MEI4: variants seen among roughly 807,000 people sequenced by gnomAD.
MEI4 encodes meiotic double-stranded break formation protein 4, also known as meiosis-specific protein MEI4.
MEI4 carries 27 observed loss-of-function variants against 31.4 expected under a neutral mutation model. That is an observed-to-expected ratio of 0.86 (90% CI 0.63 to 1.19). MEI4 has a LOEUF of 1.19. Ranked by LOEUF, MEI4 falls within the 50% of genes most tolerant of loss-of-function variation. The pLI is 0.00. For synonymous variants in MEI4, 122 were observed against 145.4 expected, an observed-to-expected ratio of 0.84 and a Z score of 1.16; for missense variants, 329 against 398.9, an observed-to-expected ratio of 0.82 and a Z score of 1.49.
intron 2 of MEI4, among the ~76,000 whole-genome samples, chr6:77,702,216 C>G (rs1285614035): frequency 6.6e-6 from 1 of 152,176 alleles, no homozygotes; most frequent in Non-Finnish European, 1.5e-5. Context: ...GTCCTTCTCA[C>G]CCTGTTCCAG....
intron 1 of MEI4, among the ~76,000 whole-genome samples, chr6:77,688,787 C>T (rs1401165356): frequency 6.6e-6 from 1 of 152,062 alleles, no homozygotes; most frequent in African/African-American, 2.4e-5. Flanking sequence ...AGCAAACTTA[C>T]TTCTTGAAGG....
At chr6:77,746,337 C>T (rs1035842737) in intron 2 of MEI4, among the ~76,000 whole-genome samples, 1 of 152,126 alleles carries the variant, frequency 6.6e-6, no homozygotes, top group Non-Finnish European at 1.5e-5. Flanking sequence ...AAGCAGATTA[C>T]CTCCGAAATG....
chr6:77,655,247 A>G (rs1360809612), intron 1 of MEI4, among the ~76,000 whole-genome samples: 5 of 152,014 alleles, frequency 3.3e-5, no homozygotes, highest in Non-Finnish European at 7.4e-5. Flanking sequence ...ATCCTTTTTT[A>G]TGGCTGCATA....
chr6:77,851,557 C>A (rs1380786708), intron 4 of MEI4, among the ~76,000 whole-genome samples: 2 of 144,234 alleles, frequency 1.4e-5, no homozygotes, highest in African/African-American at 5.2e-5. Context: ...ACCGCATGTT[C>A]TCGCTCATAG....
intron 3 of MEI4, among the ~76,000 whole-genome samples, chr6:77,814,114 G>A (rs940715351): frequency 3.3e-5 from 5 of 151,968 alleles, no homozygotes; most frequent in East Asian, 3.9e-4. Flanking sequence ...AGGAGTGATC[G>A]TCTGGGGTTC....
At chr6:77,822,648 C>G (rs1481397548) in intron 3 of MEI4, among the ~76,000 whole-genome samples, 2 of 136,894 alleles carry the variant, frequency 1.5e-5, no homozygotes, top group African/African-American at 2.6e-5. Flanking sequence ...GAGACAGAGT[C>G]TCACTATGTC....
chr6:77,833,644 A>AT (rs1185335081), intron 4 of MEI4, among the ~76,000 whole-genome samples: 3 of 152,128 alleles, frequency 2.0e-5, no homozygotes, highest in African/African-American at 7.2e-5. Context: ...TTTACTTTAA[A>AT]TTCTGGGACA....
chr6:77,921,896 A>T (rs1327709474), intron 4 of MEI4, among the ~76,000 whole-genome samples: 3 of 151,732 alleles, frequency 2.0e-5, no homozygotes, highest in Non-Finnish European at 4.4e-5. Flanking sequence ...TGGATGACTG[A>T]TTGCAGATCA....
At chr6:77,879,880 T>C (rs1771436072) in intron 4 of MEI4, among the ~76,000 whole-genome samples, 1 of 152,182 alleles carries the variant, frequency 6.6e-6, no homozygotes, top group Non-Finnish European at 1.5e-5. Flanking sequence ...ATCCTCCACA[T>C]GTATGAAGCA....
At chr6:77,894,248 G>C (rs199920923) in intron 4 of MEI4, among the ~76,000 whole-genome samples, 1 of 112,366 alleles carries the variant, frequency 8.9e-6, no homozygotes, top group East Asian at 5.3e-4. Context: ...TTAATATTAT[G>C]ATATTTCTTT....
At chr6:77,675,634 A>G (rs908235418) in intron 1 of MEI4, among the ~76,000 whole-genome samples, 5 of 151,924 alleles carry the variant, frequency 3.3e-5, no homozygotes, top group Non-Finnish European at 5.9e-5. Flanking sequence ...GCCCACTGTC[A>G]TACCTTAATT....
At chr6:77,790,744 T>C (rs146177456) in intron 3 of MEI4, among the ~76,000 whole-genome samples, 2 of 152,226 alleles carry the variant, frequency 1.3e-5, no homozygotes, top group African/African-American at 2.4e-5. Flanking sequence ...TTCTCAAATA[T>C]ATTTAATTTT....
chr6:77,693,992 T>A (rs1305578222), intron 2 of MEI4, among the ~76,000 whole-genome samples: 1 of 152,110 alleles, frequency 6.6e-6, no homozygotes, highest in Admixed American at 6.6e-5. Context: ...CAGCATCAAC[T>A]ATTCATTGAA....
chr6:77,742,001 T>C (rs1767419644), intron 2 of MEI4, among the ~76,000 whole-genome samples: 1 of 152,076 alleles, frequency 6.6e-6, no homozygotes, highest in Admixed American at 6.5e-5. Flanking sequence ...TGCCACATTT[T>C]CTTGATCCAG....
At chr6:77,781,359 T>A (rs1025738156) in intron 3 of MEI4, among the ~76,000 whole-genome samples, 2 of 152,160 alleles carry the variant, frequency 1.3e-5, no homozygotes, top group African/African-American at 4.8e-5. Flanking sequence ...TCAGTGCAAT[T>A]AGATTTCCCA....
chr6:77,821,531 C>T (rs1769824320), intron 3 of MEI4, among the ~76,000 whole-genome samples: 1 of 152,068 alleles, frequency 6.6e-6, no homozygotes, highest in Non-Finnish European at 1.5e-5. Context: ...CATGGTGGCT[C>T]ACGCCTGTAA....
chr6:77,835,370 CAA>C (rs1491418712), intron 4 of MEI4, among the ~76,000 whole-genome samples: 92 of 60,966 alleles, frequency 1.5e-3, no homozygotes, highest in African/African-American at 6.7e-3. Context: ...GAAAACAAAA[CAA>C]AACACACACA....
At chr6:77,748,239 T>C (rs1047488891) in intron 2 of MEI4, among the ~76,000 whole-genome samples, 10 of 152,184 alleles carry the variant, frequency 6.6e-5, no homozygotes. Context: ...CACACTGCCA[T>C]AGCAGTGGCT....
chr6:77,831,539 T>A (rs753337153), intron 4 of MEI4, among the ~76,000 whole-genome samples: 116 of 150,960 alleles, frequency 7.7e-4, no homozygotes, highest in Admixed American at 1.9e-3. Context: ...AATAATAATA[T>A]TCCTCTCTCT....
Sources: gnomAD v4.1 joint callset for allele counts (sites outside exome capture counted in the v4.1 genomes callset) on GRCh38, gnomAD v4.1.1 for gene constraint, MANE v1.5 for transcripts, NCBI Gene and HGNC (gene_info 2026-07-23, HGNC 2026-07-21) for gene names.